The following ZBTB20 variants were observed in gnomAD, a reference collection of about 807,000 sequenced individuals.
The protein encoded by ZBTB20 is zinc finger and BTB domain-containing protein 20.
A neutral mutation model predicts 56.9 loss-of-function variants in ZBTB20; 9 were observed. That is an observed-to-expected ratio of 0.16 (90% CI 0.10 to 0.28). The LOEUF is 0.28. Ranked by LOEUF, ZBTB20 falls within the 10% of genes least tolerant of loss-of-function variation. The pLI is 1.00. For missense variants in ZBTB20, 655 were observed against 1,003.0 expected, an observed-to-expected ratio of 0.65 and a Z score of 4.69; for synonymous variants, 417 against 420.7, an observed-to-expected ratio of 0.99 and a Z score of 0.11.
At chr3:114,436,542 TG>T (rs1280572514) in intron 7 of ZBTB20, among the ~76,000 whole-genome samples, 1 of 152,216 alleles carries the variant, frequency 6.6e-6, no homozygotes, top group Non-Finnish European at 1.5e-5. Flanking sequence ...GTTTTAAATT[TG>T]TTTATAGTAC....
Position 115,070,975 on chromosome 3 carries a change from T to C in ZBTB20, c.-507+244A>G, listed in dbSNP as rs959840048. On this transcript the variant is annotated intron_variant, in intron 2 of 11. Coordinates refer to ENST00000675478, the MANE Select transcript of ZBTB20 (RefSeq NM_001348800.3). Reference sequence around the variant, plus strand: ...TAAATCAATTCACCTCACTGAGCTATAGTATCCTTTTCTGAAAAAAAAAAG... The same window carrying C: ...TAAATCAATTCACCTCACTGAGCTACAGTATCCTTTTCTGAAAAAAAAAAG... Among the ~76,000 whole-genome samples, 12 of 151,168 alleles carry C rather than the reference T, an allele frequency of 7.9e-5. No individual in the cohort carries two copies. In the South Asian group the frequency reaches 2.1e-3, roughly 26 times the overall value.
At chr3:114,606,489 C>A in intron 6 of ZBTB20, among the ~76,000 whole-genome samples, 1 of 152,002 alleles carries the variant, frequency 6.6e-6, no homozygotes, top group Non-Finnish European at 1.5e-5. Context: ...ATGTAACATA[C>A]AAAGTCAGCT....
In ZBTB20 at chr3:114,620,232, G is replaced by T. The variant is rs558476855; in HGVS notation, c.-295+73296C>A. On this transcript the variant is annotated intron_variant, in intron 6 of 11. Transcript: ENST00000675478. ...TGGAAGATCTAATGTGGGAGTTAAG[G>T]AGGCTCAGATATAGAAGACTCTGCC... 1.2e-4 allele frequency among the ~76,000 whole-genome samples: 18 copies of T among 152,256 alleles called. No individual in the cohort carries two copies. The East Asian group carries it at 2.9e-3, about 24-fold the overall frequency.
intron 2 of ZBTB20, among the ~76,000 whole-genome samples, chr3:115,052,371 C>G (rs959815481): frequency 6.6e-6 from 1 of 151,796 alleles, no homozygotes; most frequent in Non-Finnish European, 1.5e-5. Flanking sequence ...GCAGGAGAAT[C>G]GCTAGAACCA....
intron 7 of ZBTB20, among the ~76,000 whole-genome samples, chr3:114,392,051 T>C (rs140483448): frequency 6.6e-6 from 1 of 152,272 alleles, no homozygotes; most frequent in East Asian, 1.9e-4. Context: ...TAGTTAAATG[T>C]TGTCTAAAAA....
intron 7 of ZBTB20, among the ~76,000 whole-genome samples, chr3:114,406,800 T>C (rs1480172948): frequency 6.6e-6 from 1 of 152,120 alleles, no homozygotes; most frequent in Non-Finnish European, 1.5e-5. Flanking sequence ...GCAAGCTATA[T>C]TGAGGAATAA....
chr3:114,352,911 C>T (rs2080827861), intron 10 of ZBTB20, among the ~76,000 whole-genome samples: 1 of 152,086 alleles, frequency 6.6e-6, no homozygotes, highest in South Asian at 2.1e-4. Context: ...TAAACAGCTC[C>T]CAGGAGGAAG....
intron 2 of ZBTB20, among the ~76,000 whole-genome samples, chr3:115,008,208 A>C (rs1030815004): frequency 4.6e-5 from 7 of 151,890 alleles, no homozygotes; most frequent in African/African-American, 7.2e-5. Flanking sequence ...ACTTCAACTT[A>C]TGACATATCA....
At chr3:115,026,753 T>A (rs1007650845) in intron 2 of ZBTB20, among the ~76,000 whole-genome samples, 1 of 150,634 alleles carries the variant, frequency 6.6e-6, no homozygotes, top group African/African-American at 2.4e-5. Context: ...CAATTCTCCC[T>A]CCTTTCATCA....
intron 2 of ZBTB20, among the ~76,000 whole-genome samples, chr3:115,020,760 T>A (rs1357081419): frequency 2.0e-5 from 3 of 151,044 alleles, no homozygotes; most frequent in African/African-American, 7.3e-5. Flanking sequence ...CACACACATA[T>A]AATACCTATT....
chr3:114,500,296 A>G (rs1334326158), intron 7 of ZBTB20, 56 bp downstream of exon 7: 1 of 152,152 alleles, frequency 6.6e-6, no homozygotes, highest in Non-Finnish European at 1.5e-5. Context: ...TGAAAACCAC[A>G]ATTTCCTAAA....
At chr3:114,795,456 C>T (rs1013498731) in intron 5 of ZBTB20, among the ~76,000 whole-genome samples, 2 of 152,050 alleles carry the variant, frequency 1.3e-5, no homozygotes, top group Non-Finnish European at 1.5e-5. Context: ...CCTTTTAGTT[C>T]TTTGAATACA....
chr3:114,507,801 TAC>T lies in ZBTB20; in HGVS notation c.-294-7412_-294-7411del, dbSNP rs538338096. ...CCCTAAAAATTATACAGAATCACAA[TAC>T]AGTTGAGTAAAATACATTCTACAGT... On this transcript the variant is annotated intron_variant, in intron 6 of 11. Transcript: ENST00000675478. 1.5e-3 allele frequency among the ~76,000 whole-genome samples: 230 copies of T among 152,212 alleles called. 1 individual carries two copies. Among genetic ancestry groups the T allele is most frequent in the Non-Finnish European group, 2.4e-3 (165 of 67,960 alleles).
intron 1 of ZBTB20, among the ~76,000 whole-genome samples, chr3:115,137,719 C>G (rs2084690219): frequency 6.6e-6 from 1 of 151,986 alleles, no homozygotes; most frequent in African/African-American, 2.4e-5. Flanking sequence ...TATTTTACCC[C>G]TCATATCCAT....
intron 1 of ZBTB20, among the ~76,000 whole-genome samples, chr3:115,112,260 C>G (rs186906394): frequency 2.0e-5 from 3 of 152,104 alleles, no homozygotes; most frequent in Admixed American, 2.0e-4. Context: ...ATGACAAAGT[C>G]AGGGTATTTA....
At chr3:114,658,460 CCA>C (rs1337789045) in intron 6 of ZBTB20, 2 of 152,142 alleles carry the variant, frequency 1.3e-5, no homozygotes, top group African/African-American at 2.4e-5. Flanking sequence ...CCATCAGACT[CCA>C]GAGTTAAATT....
chr3:115,005,610 C>T (rs918267769), intron 2 of ZBTB20, among the ~76,000 whole-genome samples: 1 of 151,774 alleles, frequency 6.6e-6, no homozygotes, highest in Non-Finnish European at 1.5e-5. Context: ...TCCCAGTTTA[C>T]AGAAGACAAA....
In ZBTB20 at chr3:114,544,253, CTTCT is replaced by C. The variant is rs563817053; in HGVS notation, c.-294-43866_-294-43863del. On this transcript the variant is annotated intron_variant, in intron 6 of 11. Coordinates refer to ENST00000675478, the MANE Select transcript of ZBTB20 (RefSeq NM_001348800.3). ...TAAGTATTTGTTTACAAATTTTTAC[CTTCT>C]TTCTAAAATGCCAAGAATTGCCAAC... Among the ~76,000 whole-genome samples, 288 of 151,866 alleles carry C rather than the reference CTTCT, an allele frequency of 1.9e-3. 2 individuals carry two copies. Among genetic ancestry groups the C allele is most frequent in the African/African-American group, 6.8e-3 (281 of 41,432 alleles).
At chr3:114,773,819 C>T (rs1484723437) in intron 5 of ZBTB20, among the ~76,000 whole-genome samples, 1 of 152,144 alleles carries the variant, frequency 6.6e-6, no homozygotes, top group African/African-American at 2.4e-5. Context: ...GCCTACTATA[C>T]AAGTTGTCTT....
Sources: allele counts gnomAD v4.1 joint callset (sites outside exome capture counted in the v4.1 genomes callset), GRCh38; gene constraint gnomAD v4.1.1; transcripts MANE v1.5; gene names NCBI Gene and HGNC (gene_info 2026-07-23, HGNC 2026-07-21).